Variants in ARID1A observed in about 807,000 individuals in gnomAD.
ARID1A encodes the protein AT-rich interaction domain 1A.
A neutral mutation model predicts 212.6 loss-of-function variants in ARID1A; 20 were observed. That is an observed-to-expected ratio of 0.09 (90% CI 0.07 to 0.14). The LOEUF is 0.14. ARID1A is among the 10% of genes least tolerant of loss of function. ARID1A has a pLI of 1.00. For synonymous variants in ARID1A, 1,376 were observed against 1,222.1 expected (o/e 1.13, Z -2.63); for missense variants, 2,587 against 3,059.0 (o/e 0.85, Z 3.64).
chr1:26,708,266 C>CTTTTTTTTTTTTTTTTTTTT lies in ARID1A; in HGVS notation c.1137+10743_1137+10762dup, dbSNP rs397860721. Among the ~76,000 whole-genome samples, 8 of 23,754 alleles carry CTTTTTTTTTTTTTTTTTTTT rather than the reference C, an allele frequency of 3.4e-4. 2 individuals are homozygous for CTTTTTTTTTTTTTTTTTTTT. The highest frequency in any genetic ancestry group is 6.7e-4 in the African/African-American group (4 of 6,012). The allele number at this position is 23,754 out of a possible 152,430, so 15.6% of individuals were successfully genotyped here. A position where few individuals can be genotyped will look rare whatever the true frequency, so the allele number is the denominator to read the frequency against. ...TCAGCCTTTAAGATACAGTCCTTCA[C>CTTTTTTTTTTTTTTTTTTTT]TTTTTTTTTTTTTTTTTTTTTTTTT... On this transcript the variant is annotated intron_variant, in intron 1 of 19. Transcript: ENST00000324856.
chr1:26,719,439 G>A (rs958736027), intron 1 of ARID1A, among the ~76,000 whole-genome samples: 5 of 152,268 alleles, frequency 3.3e-5, no homozygotes, highest in African/African-American at 9.6e-5. Flanking sequence ...TAAGGAAAAC[G>A]AATGTACATC....
chr1:26,758,672 G>A (rs1361385613), intron 4 of ARID1A, among the ~76,000 whole-genome samples: 1 of 151,866 alleles, frequency 6.6e-6, no homozygotes, highest in African/African-American at 2.4e-5. Context: ...CCTCTATCTT[G>A]GGATTAACAT....
rs2081180057 is a variant in ARID1A at position 26,780,379 on chromosome 1, C to G, written c.6481C>G (p.Pro2161Ala). 4 of 1,614,102 alleles carry G rather than the reference C, an allele frequency of 2.5e-6. No homozygotes were observed. Among genetic ancestry groups the G allele is most frequent in the Non-Finnish European group, 3.4e-6 (4 of 1,180,036 alleles). ...GCGCTTCCTCAGTGACCGAAAGAAC[C>G]CGGTGTGCCGGGAGATGGCTGTGGT... ...MVRFLSDRKN[P>A]VCREMAVVLL... Residue 2161 changes from proline to alanine, a missense_variant, in exon 20 of 20, where the codon CCG becomes GCG. By Grantham distance (27) the Pro-to-Ala change is conservative. Coordinates refer to ENST00000324856, the MANE Select transcript of ARID1A (RefSeq NM_006015.6). The surrounding 1 kb of genome is among the most constrained non-coding windows in gnomAD (Gnocchi z 7.2).
At chr1:26,736,193 G>GGTAA (rs2080727942) in intron 4 of ARID1A, among the ~76,000 whole-genome samples, 1 of 151,602 alleles carries the variant, frequency 6.6e-6, no homozygotes, top group African/African-American at 2.4e-5. Flanking sequence ...GCATGGCAGT[G>GGTAA]GGTACCTGTA....
rs1223384334 is a variant in ARID1A, at chr1:26,782,070, C to T, written c.*1314C>T. ...TGAAATCTTTATACTATATGTTCCA[C>T]GTGTTAAGAATAAATGTACATTAAA... On this transcript the variant is annotated 3_prime_UTR_variant, in exon 20 of 20. Transcript: ENST00000324856. The T allele has an allele frequency of 8.8e-6, 2 of 227,296 alleles. No individual in the cohort carries two copies. The highest frequency in any genetic ancestry group is 8.7e-6 in the Non-Finnish European group (1 of 114,334). 14.1% of individuals were successfully genotyped at this position (227,296 alleles called of 1,614,324 possible). A position where few individuals can be genotyped will look rare whatever the true frequency, so the allele number is the denominator to read the frequency against.
intron 4 of ARID1A, among the ~76,000 whole-genome samples, chr1:26,745,907 C>T (rs762082318): frequency 5.9e-5 from 9 of 152,172 alleles, no homozygotes; most frequent in African/African-American, 1.2e-4. Flanking sequence ...CAAAATTAGC[C>T]GGGCGTGGTG....
At chr1:26,770,988 T>A in intron 11 of ARID1A, 131 bp from the exon 12 acceptor site, 5 of 792,174 alleles carry the variant, frequency 6.3e-6, no homozygotes, top group Non-Finnish European at 8.0e-6. Context: ...CAAGCAAGAT[T>A]AACTTTTTCA....
At chr1:26,733,237 G>A (rs542856809) in intron 4 of ARID1A, among the ~76,000 whole-genome samples, 1 of 152,270 alleles carries the variant, frequency 6.6e-6, no homozygotes, top group South Asian at 2.1e-4. Flanking sequence ...AGTTTTTCTG[G>A]TGGTGATTTT....
intron 1 of ARID1A, among the ~76,000 whole-genome samples, chr1:26,708,266 CTTTTTTTTTTTTTTTTT>C (rs397860721): frequency 3.1e-3 from 74 of 23,752 alleles, no homozygotes; most frequent in Middle Eastern, 0.077. Context: ...CAGTCCTTCA[CTTTTTTTTTTTTTTTTT>C]TTTTTTTTTT....
rs999125494 is a variant in ARID1A, at chr1:26,774,833, G to A, written c.4606G>A (p.Asp1536Asn). ...VNRTDEMLHT[D>N]QRANHEGSWP... ...CCGAACAGATGAAATGCTGCACACA[G>A]ATCAGAGGGCCAACCACGAAGGCTC... The change falls in exon 18 of 20, where the codon GAT (aspartate) becomes AAT (asparagine). Residue 1536 changes from aspartate (D) to asparagine (N), a missense_variant. Around this residue, in one of 11 missense-constraint regions of ARID1A, gnomAD observed 890 missense variants for 1,098.2 expected, o/e 0.81. Transcript: ENST00000324856. The surrounding 1 kb of genome is among the most constrained non-coding windows in gnomAD (Gnocchi z 5.6). 5.0e-6 allele frequency: 8 copies of A among 1,611,548 alleles called. No individual in the cohort carries two copies. Among genetic ancestry groups the A allele is most frequent in the Non-Finnish European group, 5.9e-6 (7 of 1,178,214 alleles).
chr1:26,704,913 C>T (rs977300958), intron 1 of ARID1A, among the ~76,000 whole-genome samples: 2 of 151,868 alleles, frequency 1.3e-5, no homozygotes, highest in Admixed American at 1.3e-4. Flanking sequence ...AAGCAGCTAA[C>T]AAATGCTGCT....
chr1:26,721,213 G>C (rs1485298568), intron 1 of ARID1A, among the ~76,000 whole-genome samples: 1 of 151,944 alleles, frequency 6.6e-6, no homozygotes. Flanking sequence ...GTTTGTTTTT[G>C]TTTTTGTTTT....
At chr1:26,711,583 G>A (rs137906793) in intron 1 of ARID1A, among the ~76,000 whole-genome samples, 2 of 152,306 alleles carry the variant, frequency 1.3e-5, no homozygotes, top group Admixed American at 1.3e-4. Flanking sequence ...CATTCAGCCA[G>A]TAACAGGAGA....
intron 19 of ARID1A, among the ~76,000 whole-genome samples, chr1:26,777,060 T>G (rs1187900092): frequency 6.6e-6 from 1 of 152,200 alleles, no homozygotes; most frequent in Admixed American, 6.5e-5. Context: ...TTTATACAGC[T>G]ACTTCCTGGA....
At chr1:26,699,081 A>G (rs2080307678) in intron 1 of ARID1A, among the ~76,000 whole-genome samples, 1 of 152,214 alleles carries the variant, frequency 6.6e-6, no homozygotes, top group African/African-American at 2.4e-5. Context: ...GGAATAACAA[A>G]AAGTCTAGTT....
chr1:26,738,997 C>T (rs1433328286), intron 4 of ARID1A, among the ~76,000 whole-genome samples: 2 of 151,194 alleles, frequency 1.3e-5, no homozygotes, highest in African/African-American at 4.9e-5. Context: ...AAGCAATTCT[C>T]TGCCTCAGCC....
At chr1:26,736,166 TA>T (rs1314133895) in intron 4 of ARID1A, among the ~76,000 whole-genome samples, 1 of 138,376 alleles carries the variant, frequency 7.2e-6, no homozygotes, top group Non-Finnish European at 1.6e-5. Context: ...CTACTAAAAA[TA>T]TAAAAAATTA....
chr1:26,709,460 A>G (rs536580637), intron 1 of ARID1A, among the ~76,000 whole-genome samples: 8 of 152,078 alleles, frequency 5.3e-5, no homozygotes, highest in Non-Finnish European at 8.8e-5. Context: ...AGATTGCAGC[A>G]CTACCATGGA....
chr1:26,772,493 T>A lies in ARID1A; in HGVS notation c.3407-7T>A, dbSNP rs1444159218. On this transcript the variant is annotated splice_region_variant and splice_polypyrimidine_tract_variant and intron_variant, in intron 12 of 19. Coordinates refer to ENST00000324856, the MANE Select transcript of ARID1A (RefSeq NM_006015.6). The stretch of plus-strand genomic sequence containing the variant: ...GCAAACTACTCAACTTGTATCTCTG[T>A]CCACAGCGGGATCAGGATCTATGCA... 4.3e-6 allele frequency: 7 copies of A among 1,614,172 alleles called. No homozygotes were observed. The South Asian group carries it at 7.7e-5, about 18-fold the overall frequency.
Sources: allele counts gnomAD v4.1 joint callset (sites outside exome capture counted in the v4.1 genomes callset), GRCh38; gene constraint gnomAD v4.1.1; regional missense constraint gnomAD v4.1.1; non-coding constraint Gnocchi (gnomAD v3.1); transcripts MANE v1.5; gene names NCBI Gene and HGNC (gene_info 2026-07-23, HGNC 2026-07-21).